Variants in POU6F2 observed in about 807,000 individuals in gnomAD.
POU6F2 encodes POU domain, class 6, transcription factor 2.
In POU6F2, 31 loss-of-function variants were observed where a neutral mutation model predicts 71.3. The ratio of observed to expected loss-of-function variants is 0.43; its 90% CI spans 0.33 to 0.59. The LOEUF (loss-of-function observed/expected upper bound fraction) is 0.59. Ranked by LOEUF, POU6F2 falls within the 20% of genes least tolerant of loss-of-function variation. POU6F2 has a pLI of 0.04. For synonymous variants in POU6F2, 347 were observed against 355.7 expected (o/e 0.98, Z 0.27); for missense variants, 783 against 856.8 (o/e 0.91, Z 1.07).
At chr7:39,372,092 A>T (rs1025071927) in intron 5 of POU6F2, among the ~76,000 whole-genome samples, 5 of 152,032 alleles carry the variant, frequency 3.3e-5, no homozygotes, top group East Asian at 3.9e-4. Context: ...CTAATTTTTT[A>T]AAATTTTTTG....
intron 5 of POU6F2, chr7:39,406,127 A>G (rs1787421266): frequency 6.4e-6 from 1 of 155,710 alleles, no homozygotes; most frequent in African/African-American, 2.4e-5. Flanking sequence ...TCCCTGAAAG[A>G]AACTGCAATT....
At chr7:39,015,670 AT>A (rs1789472201) in intron 1 of POU6F2, among the ~76,000 whole-genome samples, 1 of 100,176 alleles carries the variant, frequency 1.0e-5, no homozygotes. Flanking sequence ...ATATAGATAT[AT>A]TATATCTATG....
At chr7:39,448,977 G>A (rs537078636) in intron 7 of POU6F2, among the ~76,000 whole-genome samples, 1 of 152,322 alleles carries the variant, frequency 6.6e-6, no homozygotes, top group East Asian at 1.9e-4. Flanking sequence ...GGATTCAATT[G>A]TTGATTATGT....
At chr7:39,129,620 G>GATAT (rs1157091918) in intron 2 of POU6F2, among the ~76,000 whole-genome samples, 154 of 125,698 alleles carry the variant, frequency 1.2e-3, no homozygotes, top group African/African-American at 4.2e-3. Flanking sequence ...AGAGACAATA[G>GATAT]ATATATAGAT....
chr7:39,180,634 C>CAG (rs1189053448), intron 2 of POU6F2, among the ~76,000 whole-genome samples: 2 of 152,302 alleles, frequency 1.3e-5, no homozygotes, highest in East Asian at 1.9e-4. Context: ...TGGCTGGCTT[C>CAG]ATGGCTGTGT....
At chr7:39,249,542 A>T (rs1470757177) in intron 4 of POU6F2, among the ~76,000 whole-genome samples, 1 of 152,236 alleles carries the variant, frequency 6.6e-6, no homozygotes, top group Non-Finnish European at 1.5e-5. Context: ...GGACTAATAT[A>T]TATCAGTTAG....
intron 4 of POU6F2, among the ~76,000 whole-genome samples, chr7:39,265,702 G>C (rs992150364): frequency 2.6e-5 from 4 of 152,128 alleles, no homozygotes; most frequent in African/African-American, 9.7e-5. Context: ...TTTCCATCTC[G>C]CTTTGACTCC....
Position 39,099,520 on chromosome 7 carries a change from T to C in POU6F2, c.277+13489T>C, listed in dbSNP as rs146285685. ...TCTTTCATAGGATGCTTTTGTGACC[T>C]AATCAGGGTAAACTACAGAAAATTT... is the stretch of plus-strand genomic sequence containing the variant. On this transcript the variant is annotated intron_variant, in intron 2 of 9. Transcript: ENST00000518318. Among the ~76,000 whole-genome samples the C allele has an allele frequency of 1.2e-3, 184 of 152,380 alleles. 4 individuals carry two copies. In the South Asian group the frequency reaches 0.021, roughly 17 times the overall value.
At chr7:39,172,641 G>C (rs992504130) in intron 2 of POU6F2, among the ~76,000 whole-genome samples, 19 of 125,408 alleles carry the variant, frequency 1.5e-4, no homozygotes, top group Non-Finnish European at 1.6e-5. Context: ...TTTTTTTTGA[G>C]GCAAAGATTC....
chr7:39,395,895 A>G (rs2115851128), intron 5 of POU6F2, among the ~76,000 whole-genome samples: 1 of 152,336 alleles, frequency 6.6e-6, no homozygotes, highest in Admixed American at 6.5e-5. Context: ...CTTTCATCAC[A>G]AGAGTGCCCC....
At chr7:39,171,200 C>G (rs1457249401) in intron 2 of POU6F2, among the ~76,000 whole-genome samples, 1 of 151,784 alleles carries the variant, frequency 6.6e-6, no homozygotes, top group Non-Finnish European at 1.5e-5. Context: ...TTTACCCCAT[C>G]CCCCAACAGG....
intron 4 of POU6F2, among the ~76,000 whole-genome samples, chr7:39,276,386 A>G (rs62455871): frequency 0.15 from 23,334 of 152,176 alleles, 1,941 homozygotes; most frequent in Middle Eastern, 0.25. Context: ...GGCAATCATT[A>G]AAAAGTCAGG....
At chr7:39,177,267 G>A (rs529998543) in intron 2 of POU6F2, among the ~76,000 whole-genome samples, 6 of 152,114 alleles carry the variant, frequency 3.9e-5, no homozygotes, top group African/African-American at 1.2e-4. Flanking sequence ...GGGACTTCCT[G>A]AGTTCTGCCT....
At chr7:39,172,822 T>C (rs1439148777) in intron 2 of POU6F2, among the ~76,000 whole-genome samples, 5 of 152,242 alleles carry the variant, frequency 3.3e-5, no homozygotes, top group African/African-American at 9.6e-5. Context: ...GGTTTCTCCA[T>C]GTTGCCCAGG....
chr7:39,141,555 GTTCCACAGAATTTTAATGCT>G (rs1415839498), intron 2 of POU6F2, among the ~76,000 whole-genome samples: 1 of 152,196 alleles, frequency 6.6e-6, no homozygotes, highest in Middle Eastern at 3.2e-3. Context: ...CTTAAACACA[GTTCCACAGAATTTTAATGCT>G]TTCCACTTCA....
chr7:39,385,519 T>A (rs73125521), intron 5 of POU6F2, among the ~76,000 whole-genome samples: 1 of 152,000 alleles, frequency 6.6e-6, no homozygotes, highest in African/African-American at 2.4e-5. Context: ...TTGCTCAGAG[T>A]GGTCAGAGCA....
chr7:38,988,156 T>C (rs859514), intron 1 of POU6F2, among the ~76,000 whole-genome samples: 45,400 of 151,998 alleles, frequency 0.3, 7,047 homozygotes, highest in Non-Finnish European at 0.35. Flanking sequence ...GTCTTATTTG[T>C]AGCCATATTG....
At chr7:39,006,852 G>A (rs1464324746) in intron 1 of POU6F2, 22 of 1,613,602 alleles carry the variant, frequency 1.4e-5, no homozygotes, top group Non-Finnish European at 1.8e-5. Flanking sequence ...AGTGGCAAAT[G>A]AGTGCTCTTC....
At chr7:39,135,302 G>C (rs1164598874) in intron 2 of POU6F2, among the ~76,000 whole-genome samples, 2 of 152,138 alleles carry the variant, frequency 1.3e-5, no homozygotes, top group African/African-American at 4.8e-5. Context: ...CTAGGCAGAG[G>C]GTCCAGCACT....
Sources: allele counts gnomAD v4.1 joint callset (sites outside exome capture counted in the v4.1 genomes callset), GRCh38; gene constraint gnomAD v4.1.1; transcripts MANE v1.5; gene names NCBI Gene and HGNC (gene_info 2026-07-23, HGNC 2026-07-21).